ZHX3: variants seen among roughly 807,000 people sequenced by gnomAD.
ZHX3 encodes zinc fingers and homeoboxes protein 3.
ZHX3 carries 20 observed loss-of-function variants against 64.5 expected under a neutral mutation model. That is an observed-to-expected ratio of 0.31 (90% confidence interval 0.22 to 0.45). The LOEUF (loss-of-function observed/expected upper bound fraction) is 0.45, where lower values mean the gene tolerates loss of function less well. Ranked by LOEUF, ZHX3 falls within the 20% of genes least tolerant of loss-of-function variation. ZHX3 has a pLI of 1.00. For synonymous variants in ZHX3, 423 were observed against 461.6 expected, an observed-to-expected ratio of 0.92 and a Z score of 1.07; for missense variants, 1,041 against 1,195.8, an observed-to-expected ratio of 0.87 and a Z score of 1.91.
At chr20:41,277,197 G>A (rs931417744) in intron 1 of ZHX3, among the ~76,000 whole-genome samples, 21 of 152,122 alleles carry the variant, frequency 1.4e-4, no homozygotes, top group Middle Eastern at 3.2e-3. Context: ...GGCAAGGTGG[G>A]GTGTACTTGT....
At chr20:41,275,547 G>A (rs2043338533) in intron 1 of ZHX3, among the ~76,000 whole-genome samples, 1 of 152,218 alleles carries the variant, frequency 6.6e-6, no homozygotes, top group African/African-American at 2.4e-5. Context: ...ACTGGGTTAG[G>A]ATAGACATAG....
intron 2 of ZHX3, among the ~76,000 whole-genome samples, chr20:41,216,017 T>C (rs1347829825): frequency 6.7e-6 from 1 of 150,332 alleles, no homozygotes; most frequent in African/African-American, 2.4e-5. Flanking sequence ...TAGTGGGAGA[T>C]TTTAAGATAA....
Position 41,309,603 on chromosome 20 carries a change from C to A in ZHX3, c.-245+7906G>T, listed in dbSNP as rs550545282. Among the ~76,000 whole-genome samples the A allele has an allele frequency of 4.2e-4, 64 of 152,314 alleles. 1 individual carries two copies. Among genetic ancestry groups the A allele is most frequent in the African/African-American group, 1.5e-3 (62 of 41,562 alleles). ...CCATGGCCGACTCCTTCCTGAGAGACCTGGCAACCAATAAACCTTCCAGGT... is the reference window on the plus strand; with the variant it reads ...CCATGGCCGACTCCTTCCTGAGAGAACTGGCAACCAATAAACCTTCCAGGT... On this transcript the variant is annotated intron_variant, in intron 1 of 3. Transcript: ENST00000683867.
At chr20:41,214,712 A>T (rs2039399156) in intron 2 of ZHX3, among the ~76,000 whole-genome samples, 1 of 152,222 alleles carries the variant, frequency 6.6e-6, no homozygotes, top group South Asian at 2.1e-4. Flanking sequence ...AATGGTGCTT[A>T]AACAGCAAAG....
In ZHX3 at chr20:41,183,564, GAGA is replaced by G. The variant is rs1328574746; in HGVS notation, c.*1624_*1626del. On this transcript the variant is annotated 3_prime_UTR_variant, in exon 4 of 4. Transcript: ENST00000683867. This position sits in a 1 kb window ranked among gnomAD's most constrained non-coding sequence, Gnocchi z 5.3. ...GCCAGGTCCAGTTCCCTGGGTAGGG[GAGA>G]AGGACGGTCCCTAAAACACCACCAG... is the stretch of plus-strand genomic sequence containing the variant. 6.6e-6 allele frequency: 1 copy of G among 152,342 alleles called. No homozygotes were observed. Among genetic ancestry groups the G allele is most frequent in the Non-Finnish European group, 1.5e-5 (1 of 68,114 alleles). 9.4% of individuals were successfully genotyped at this position (152,342 alleles called of 1,614,324 possible). A position where few individuals can be genotyped will look rare whatever the true frequency, so the allele number is the denominator to read the frequency against.
At chr20:41,218,351 G>A (rs988846662) in intron 2 of ZHX3, among the ~76,000 whole-genome samples, 16 of 151,730 alleles carry the variant, frequency 1.1e-4, no homozygotes, top group Non-Finnish European at 1.8e-4. Flanking sequence ...AAGCTGAGGC[G>A]GATGACTGCT....
chr20:41,244,320 G>T (rs775272525), intron 2 of ZHX3, among the ~76,000 whole-genome samples: 1 of 152,148 alleles, frequency 6.6e-6, no homozygotes, highest in African/African-American at 2.4e-5. Flanking sequence ...AAGAGGGACA[G>T]ATGTGTGACT....
intron 2 of ZHX3, among the ~76,000 whole-genome samples, chr20:41,266,636 C>T (rs1832712128): frequency 6.6e-6 from 1 of 151,888 alleles, no homozygotes; most frequent in South Asian, 2.1e-4. Flanking sequence ...AGCTCCGCCC[C>T]CCAGGTTCAC....
intron 3 of ZHX3, among the ~76,000 whole-genome samples, chr20:41,198,868 C>T (rs1269964894): frequency 1.3e-5 from 2 of 151,928 alleles, no homozygotes; most frequent in Non-Finnish European, 2.9e-5. Flanking sequence ...TATATGAGTA[C>T]ATTAGTATGC....
At chr20:41,293,700 C>G (rs1170359125) in intron 1 of ZHX3, among the ~76,000 whole-genome samples, 1 of 152,172 alleles carries the variant, frequency 6.6e-6, no homozygotes, top group African/African-American at 2.4e-5. Flanking sequence ...GGAAAGGGAT[C>G]TGGAAATTCT....
intron 1 of ZHX3, chr20:41,272,071 C>T (rs368764725): frequency 1.3e-5 from 2 of 152,228 alleles, no homozygotes; most frequent in South Asian, 2.1e-4. Context: ...ATGAAGGAAA[C>T]AATATCAGAC....
At chr20:41,310,962 C>A (rs560280377) in intron 1 of ZHX3, among the ~76,000 whole-genome samples, 2 of 152,058 alleles carry the variant, frequency 1.3e-5, no homozygotes, top group Admixed American at 1.3e-4. Context: ...GCACGTGCCA[C>A]CACACCAAGC....
At chr20:41,284,797 C>G (rs1162198382) in intron 1 of ZHX3, among the ~76,000 whole-genome samples, 1 of 152,094 alleles carries the variant, frequency 6.6e-6, no homozygotes, top group Non-Finnish European at 1.5e-5. Context: ...ATCACCTCTC[C>G]AGCCTCATCC....
At chr20:41,196,432 A>ATATATATTATATAT in intron 3 of ZHX3, among the ~76,000 whole-genome samples, 1 of 43,350 alleles carries the variant, frequency 2.3e-5, no homozygotes, top group Non-Finnish European at 3.8e-5. Context: ...ATATTTATAT[A>ATATATATTATATAT]AATATATATA....
chr20:41,288,486 T>G (rs2044050725), intron 1 of ZHX3, among the ~76,000 whole-genome samples: 1 of 152,244 alleles, frequency 6.6e-6, no homozygotes, highest in Non-Finnish European at 1.5e-5. Context: ...TCTATAATGT[T>G]TATTACAAAT....
chr20:41,203,472 G>A lies in ZHX3; in HGVS notation c.1445C>T (p.Ala482Val). 6.2e-7 allele frequency: 1 copy of A among 1,614,190 alleles called. No individual in the cohort carries two copies. Among genetic ancestry groups the A allele is most frequent in the Non-Finnish European group, 8.5e-7 (1 of 1,180,016 alleles). ...GGCTTGGGAGGTTATGCTGGGGCAG[G>A]CCGTGAGGAGCGACTGGGCCGCATT... ...VVNAAQSLLTACPSITSQAFL... is the reference protein window; with the variant it reads ...VVNAAQSLLTVCPSITSQAFL... Residue 482 changes from alanine to valine, a missense_variant, in exon 3 of 4, where the codon GCC becomes GTC. By Grantham distance (64) the Ala-to-Val change is moderately conservative (BLOSUM62 0). Transcript: ENST00000683867. The surrounding 1 kb of genome is among the most constrained non-coding windows in gnomAD (Gnocchi z 7.1).
At chr20:41,196,402 T>TTATATAACATAAATATATATTTA (rs2037534630) in intron 3 of ZHX3, among the ~76,000 whole-genome samples, 3 of 54,214 alleles carry the variant, frequency 5.5e-5, no homozygotes, top group Non-Finnish European at 9.8e-5. Context: ...TTTATATATA[T>TTATATAACATAAATATATATTTA]TATATATTAT....
At chr20:41,227,261 T>C (rs1284279727) in intron 2 of ZHX3, among the ~76,000 whole-genome samples, 2 of 152,162 alleles carry the variant, frequency 1.3e-5, no homozygotes, top group East Asian at 3.8e-4. Flanking sequence ...AAGATACTTG[T>C]TCTGTCTTTG....
At position 41,203,489 on chromosome 20, in the gene ZHX3, G is replaced by A. The variant is rs1433525542; in HGVS notation, c.1428C>T (p.Ala476=). The A allele has an allele frequency of 1.2e-6, 2 of 1,614,118 alleles. No homozygotes were observed. The highest frequency in any genetic ancestry group is 1.7e-6 in the Non-Finnish European group (2 of 1,180,046). The change falls in exon 3 of 4, where the codon GCC becomes GCT. Residue 476 remains alanine, a synonymous_variant. Transcript: ENST00000683867. The surrounding 1 kb of genome is among the most constrained non-coding windows in gnomAD (Gnocchi z 7.1). ...TGGGGCAGGCCGTGAGGAGCGACTG[G>A]GCCGCATTGACCACCTTCACAGCTG... is the stretch of plus-strand genomic sequence containing the variant. ...TTSAVKVVNA[A]QSLLTACPSI... is the part of the protein sequence containing the mutation.
Sources: gnomAD v4.1 joint callset for allele counts (sites outside exome capture counted in the v4.1 genomes callset) on GRCh38, gnomAD v4.1.1 for gene constraint, Gnocchi (gnomAD v3.1) non-coding constraint, MANE v1.5 for transcripts, NCBI Gene and HGNC (gene_info 2026-07-23, HGNC 2026-07-21) for gene names.